Variants in SH3RF3 observed in about 807,000 individuals in gnomAD.
SH3RF3 encodes the protein E3 ubiquitin-protein ligase SH3RF3.
SH3RF3 carries 29 observed loss-of-function variants against 66.3 expected under a neutral mutation model. The observed-to-expected ratio is 0.44, with a 90% confidence interval of 0.33 to 0.60. The LOEUF (loss-of-function observed/expected upper bound fraction) is 0.60, where lower values mean the gene tolerates loss of function less well. Among genes scored for constraint, SH3RF3 ranks in the 20% least tolerant of loss-of-function variants. The pLI is 0.04. For synonymous variants in SH3RF3, 583 were observed against 532.0 expected, an observed-to-expected ratio of 1.10 and a Z score of -1.32; for missense variants, 1,194 against 1,190.9, an observed-to-expected ratio of 1.00 and a Z score of -0.04.
chr2:109,157,373 C>T (rs890907404), intron 1 of SH3RF3, among the ~76,000 whole-genome samples: 1 of 152,150 alleles, frequency 6.6e-6, no homozygotes, highest in African/African-American at 2.4e-5. Context: ...TTATAGACTC[C>T]CACGTGCCAT....
intron 1 of SH3RF3, among the ~76,000 whole-genome samples, chr2:109,347,140 A>G (rs1682728658): frequency 6.6e-6 from 1 of 152,296 alleles, no homozygotes; most frequent in South Asian, 2.1e-4. Context: ...TATTCAGTAG[A>G]TGAAGTAAAG....
chr2:109,142,354 A>G (rs1676977823), intron 1 of SH3RF3, among the ~76,000 whole-genome samples: 1 of 152,162 alleles, frequency 6.6e-6, no homozygotes, highest in African/African-American at 2.4e-5. Flanking sequence ...CTACTCTAAA[A>G]TGTGCCTCCT....
intron 1 of SH3RF3, among the ~76,000 whole-genome samples, chr2:109,200,359 G>A (rs963486527): frequency 2.0e-5 from 3 of 151,988 alleles, no homozygotes; most frequent in African/African-American, 4.8e-5. Flanking sequence ...AGGCTCCTTC[G>A]TGGGGTTGCC....
intron 1 of SH3RF3, among the ~76,000 whole-genome samples, chr2:109,283,793 C>T (rs532667036): frequency 1.3e-5 from 2 of 152,294 alleles, no homozygotes; most frequent in East Asian, 1.9e-4. Context: ...CTGCCTGGCT[C>T]CTTGTGTTTG....
At chr2:109,173,197 G>A (rs898765089) in intron 1 of SH3RF3, among the ~76,000 whole-genome samples, 1 of 152,150 alleles carries the variant, frequency 6.6e-6, no homozygotes, top group African/African-American at 2.4e-5. Flanking sequence ...AACACAGACT[G>A]AGTCATGGTT....
chr2:109,139,618 G>A (rs952267029), intron 1 of SH3RF3, among the ~76,000 whole-genome samples: 1 of 152,168 alleles, frequency 6.6e-6, no homozygotes, highest in African/African-American at 2.4e-5. Flanking sequence ...GTCTCGGTTT[G>A]ACAAACTAAG....
intron 1 of SH3RF3, among the ~76,000 whole-genome samples, chr2:109,227,579 C>T (rs1679400831): frequency 6.6e-6 from 1 of 152,208 alleles, no homozygotes; most frequent in Admixed American, 6.5e-5. Flanking sequence ...TGGGAGATCC[C>T]TGGCTCTTGG....
intron 6 of SH3RF3, among the ~76,000 whole-genome samples, chr2:109,434,699 C>T (rs993718443): frequency 4.6e-5 from 7 of 152,212 alleles, no homozygotes; most frequent in Non-Finnish European, 7.3e-5. Flanking sequence ...GCTCTGCCCA[C>T]GGTGTCATCC....
chr2:109,312,112 C>T (rs1360973123), intron 1 of SH3RF3, among the ~76,000 whole-genome samples: 5 of 152,128 alleles, frequency 3.3e-5, no homozygotes, highest in Middle Eastern at 3.2e-3. Flanking sequence ...ATTGTTAGTT[C>T]AAAAGTATGT....
chr2:109,144,656 A>G (rs1350987081), intron 1 of SH3RF3, among the ~76,000 whole-genome samples: 3 of 152,258 alleles, frequency 2.0e-5, no homozygotes, highest in Non-Finnish European at 4.4e-5. Flanking sequence ...TTTGGACATG[A>G]CAGGTGTTCC....
chr2:109,358,024 T>C (rs1215468589), intron 2 of SH3RF3, among the ~76,000 whole-genome samples: 4 of 152,228 alleles, frequency 2.6e-5, no homozygotes, highest in Non-Finnish European at 4.4e-5. Flanking sequence ...TTCACTGCCC[T>C]GAAAATCCTC....
chr2:109,349,647 C>T (rs531199180), intron 2 of SH3RF3, among the ~76,000 whole-genome samples: 427 of 152,296 alleles, frequency 2.8e-3, no homozygotes, highest in Middle Eastern at 6.8e-3. Flanking sequence ...CCAGGCTTGG[C>T]GGGCTCCAGG....
At chr2:109,342,610 G>A (rs368793210) in intron 1 of SH3RF3, among the ~76,000 whole-genome samples, 2 of 152,200 alleles carry the variant, frequency 1.3e-5, no homozygotes, top group Admixed American at 6.5e-5. Context: ...GCCAGTTGGG[G>A]TTGTGCCCTC....
At chr2:109,241,607 T>C (rs574366573) in intron 1 of SH3RF3, among the ~76,000 whole-genome samples, 2 of 152,258 alleles carry the variant, frequency 1.3e-5, no homozygotes, top group African/African-American at 4.8e-5. Context: ...CTTGGTTCGG[T>C]CAGCTCTGCT....
chr2:109,202,722 G>C (rs995282111), intron 1 of SH3RF3, among the ~76,000 whole-genome samples: 1 of 152,110 alleles, frequency 6.6e-6, no homozygotes, highest in East Asian at 1.9e-4. Flanking sequence ...ATCTGGAAAC[G>C]CCACGGCCTT....
intron 1 of SH3RF3, among the ~76,000 whole-genome samples, chr2:109,318,117 C>T (rs1236633175): frequency 2.0e-5 from 3 of 151,398 alleles, no homozygotes; most frequent in Non-Finnish European, 4.4e-5. Context: ...AAAAAGCCCC[C>T]TTTAAGCAGA....
intron 1 of SH3RF3, among the ~76,000 whole-genome samples, chr2:109,180,514 C>T (rs1043550531): frequency 6.6e-6 from 1 of 152,152 alleles, no homozygotes; most frequent in Admixed American, 6.5e-5. Flanking sequence ...GAATTGTACT[C>T]TCATAATTCC....
chr2:109,334,359 A>G (rs1432172643), intron 1 of SH3RF3, among the ~76,000 whole-genome samples: 10 of 30,582 alleles, frequency 3.3e-4, no homozygotes, highest in African/African-American at 9.6e-4. Context: ...TTTTTCCTTT[A>G]AAAAAAAAAA....
intron 8 of SH3RF3, among the ~76,000 whole-genome samples, chr2:109,450,010 G>GT (rs1677822096): frequency 2.0e-5 from 3 of 152,240 alleles, no homozygotes; most frequent in Admixed American, 2.0e-4. Context: ...TGGCTGGTGT[G>GT]TTTTTTAGCT....
Sources: allele counts gnomAD v4.1 joint callset (sites outside exome capture counted in the v4.1 genomes callset), GRCh38; gene constraint gnomAD v4.1.1; transcripts MANE v1.5; gene names NCBI Gene and HGNC (gene_info 2026-07-23, HGNC 2026-07-21).